TENM1: variants seen among roughly 807,000 people sequenced by gnomAD.
TENM1 encodes teneurin-1.
In TENM1, 35 loss-of-function variants were observed where a neutral mutation model predicts 174.8. The ratio of observed to expected loss-of-function variants is 0.20; its 90% CI spans 0.15 to 0.27. TENM1 has a LOEUF of 0.27. Among genes scored for constraint, TENM1 ranks in the 10% least tolerant of loss-of-function variants. The pLI, the probability that TENM1 is intolerant of heterozygous loss-of-function variation, is 1.00. For synonymous variants in TENM1, 781 were observed against 798.7 expected (o/e 0.98, Z 0.37); for missense variants, 1,633 against 2,130.1 (o/e 0.77, Z 4.59).
the TENM1 span, among the ~76,000 whole-genome samples, chrX:124,976,095 T>C: frequency 2.7e-5 from 3 of 111,136 alleles, no homozygotes; most frequent in South Asian, 3.7e-4. Flanking sequence ...TCTTAAATAC[T>C]ACTACAAATA....
chrX:124,830,119 G>T (rs2147326725), intron 3 of TENM1, among the ~76,000 whole-genome samples: 1 of 111,773 alleles, frequency 8.9e-6, no homozygotes, highest in South Asian at 3.8e-4. Flanking sequence ...AGGAAGAGGT[G>T]TTTGAGGACA....
At chrX:124,389,217 AGTC>A (rs1432569779) in intron 28 of TENM1, among the ~76,000 whole-genome samples, 4 of 112,715 alleles carry the variant, frequency 3.5e-5, no homozygotes, top group Non-Finnish European at 3.7e-5. Context: ...CTCTAGAAGA[AGTC>A]AAACTATTTT....
At chrX:124,998,721 G>A in the TENM1 span, among the ~76,000 whole-genome samples, 1 of 111,423 alleles carries the variant, frequency 9.0e-6, no homozygotes, top group African/African-American at 3.3e-5. Context: ...TCTTGTTAAA[G>A]CAATAAGACT....
At chrX:124,963,675 A>G (rs1389918781) in exon 1 of TENM1, 15 of 1,210,101 alleles carry the variant, frequency 1.2e-5, no homozygotes, top group Non-Finnish European at 1.7e-5. Flanking sequence ...CTCTCATCAG[A>G]AGAACTGGTG....
At chrX:124,459,724 A>G (rs1452718793) in intron 22 of TENM1, among the ~76,000 whole-genome samples, 1 of 112,123 alleles carries the variant, frequency 8.9e-6, no homozygotes, top group Non-Finnish European at 1.9e-5. Flanking sequence ...ATGACAACAA[A>G]AGCAAAAATT....
intron 11 of TENM1, among the ~76,000 whole-genome samples, chrX:124,641,354 T>G (rs1050592190): frequency 1.8e-5 from 2 of 111,728 alleles, no homozygotes; most frequent in East Asian, 5.6e-4. Flanking sequence ...GAATAGCAAT[T>G]GAGTGGCAAT....
intron 15 of TENM1, among the ~76,000 whole-genome samples, chrX:124,537,064 C>T (rs1276173760): frequency 9.0e-6 from 1 of 111,426 alleles, no homozygotes; most frequent in Admixed American, 9.6e-5. Context: ...TGTTCTAGCT[C>T]TGGCTTGCTA....
At chrX:124,597,148 T>A (rs2049914221) in intron 11 of TENM1, among the ~76,000 whole-genome samples, 1 of 111,389 alleles carries the variant, frequency 9.0e-6, no homozygotes, top group African/African-American at 3.3e-5. Flanking sequence ...GATCTACCAT[T>A]TGATCCAGCA....
intron 1 of TENM1, among the ~76,000 whole-genome samples, chrX:124,956,142 G>A (rs903388571): frequency 9.0e-6 from 1 of 111,635 alleles, no homozygotes; most frequent in Admixed American, 9.6e-5. Context: ...CCATGCCCTA[G>A]GCAGAATACA....
the TENM1 span, among the ~76,000 whole-genome samples, chrX:125,005,585 G>T: frequency 9.0e-6 from 1 of 110,823 alleles, no homozygotes; most frequent in Non-Finnish European, 1.9e-5. Context: ...AGAAACTAAG[G>T]GGGAGGGGCC....
At chrX:124,966,429 G>A (rs182198177), upstream of TENM1, among the ~76,000 whole-genome samples, 12 of 111,145 alleles carry the variant, frequency 1.1e-4, no homozygotes, top group South Asian at 2.3e-3. Context: ...TTGGGAGGCC[G>A]AGGCGGGCGG....
chrX:124,552,612 G>A (rs923057346), intron 14 of TENM1, among the ~76,000 whole-genome samples: 7 of 111,596 alleles, frequency 6.3e-5, no homozygotes, highest in African/African-American at 2.3e-4. Flanking sequence ...TGCCATTGAT[G>A]GCTTTTCATA....
chrX:124,565,505 C>G (rs753212462), exon 12 of TENM1: 1 of 1,210,216 alleles, frequency 8.3e-7, no homozygotes, highest in South Asian at 1.8e-5. Flanking sequence ...CTTCTTCACA[C>G]TGGCAAATTC....
At chrX:125,177,081 TTATTGA>T in the TENM1 span, among the ~76,000 whole-genome samples, 1 of 111,804 alleles carries the variant, frequency 8.9e-6, no homozygotes, top group African/African-American at 3.2e-5. Flanking sequence ...AAAATTTGTA[TTATTGA>T]TATTAACTTA....
intron 4 of TENM1, among the ~76,000 whole-genome samples, chrX:124,706,812 C>T: frequency 9.0e-6 from 1 of 111,371 alleles, no homozygotes; most frequent in Non-Finnish European, 1.9e-5. Context: ...ATGAAATAGT[C>T]TATATTATTC....
At chrX:124,526,066 C>T (rs2047968067) in intron 16 of TENM1, among the ~76,000 whole-genome samples, 1 of 111,871 alleles carries the variant, frequency 8.9e-6, no homozygotes, top group Non-Finnish European at 1.9e-5. Context: ...TTTTATATCT[C>T]TATTGCCTAG....
rs562918062 is a variant in TENM1 at position 124,837,130 on chromosome X, C to T, written c.535+57166G>A. On this transcript the variant is annotated intron_variant, in intron 3 of 31. Coordinates refer to ENST00000422452, the Ensembl canonical transcript of TENM1. ...TGAGACAGAGTTTCACTCTTGTTGCCCAGGCAACAGTGCAATGGCATGGTC... is the reference window on the plus strand; with the variant it reads ...TGAGACAGAGTTTCACTCTTGTTGCTCAGGCAACAGTGCAATGGCATGGTC... 2.2e-4 allele frequency among the ~76,000 whole-genome samples: 25 copies of T among 112,249 alleles called. No homozygotes were observed. The South Asian group carries it at 8.6e-3, about 39-fold the overall frequency.
intron 3 of TENM1, among the ~76,000 whole-genome samples, chrX:124,738,742 C>T: frequency 8.9e-6 from 1 of 111,874 alleles, no homozygotes. Flanking sequence ...ATACTCATAA[C>T]CGTAACTAGA....
chrX:124,630,145 A>G (rs772948022), intron 11 of TENM1, among the ~76,000 whole-genome samples: 1 of 112,837 alleles, frequency 8.9e-6, no homozygotes, highest in Non-Finnish European at 1.9e-5. Flanking sequence ...GAAAGTAGGC[A>G]ATCATATTTA....
Sources: gnomAD v4.1 joint callset for allele counts (sites outside exome capture counted in the v4.1 genomes callset) on GRCh38, gnomAD v4.1.1 for gene constraint, MANE v1.5 for transcripts, NCBI Gene and HGNC (gene_info 2026-07-23, HGNC 2026-07-21) for gene names.